Variants in FAM186A observed in about 807,000 individuals in gnomAD.
The protein encoded by FAM186A is family with sequence similarity 186 member A.
In FAM186A, 163 loss-of-function variants were observed where a neutral mutation model predicts 216.8. The observed-to-expected ratio is 0.75, with a 90% confidence interval of 0.66 to 0.86. The LOEUF (loss-of-function observed/expected upper bound fraction) is 0.86, where lower values mean the gene tolerates loss of function less well. Among genes scored for constraint, FAM186A ranks in the 40% least tolerant of loss-of-function variants. The pLI is 0.00. For synonymous variants in FAM186A, 805 were observed against 1,025.3 expected, an observed-to-expected ratio of 0.79 and a Z score of 4.10; for missense variants, 2,184 against 2,746.2, an observed-to-expected ratio of 0.80 and a Z score of 4.58.
In FAM186A at chr12:50,396,284, A is replaced by C; in HGVS notation, c.192+9T>G. 6.7e-7 allele frequency: 1 copy of C among 1,494,684 alleles called. No individual in the cohort carries two copies. Among genetic ancestry groups the C allele is most frequent in the Non-Finnish European group, 8.9e-7 (1 of 1,119,382 alleles). 92.6% of individuals were successfully genotyped at this position (1,494,684 alleles called of 1,614,324 possible). A position where few individuals can be genotyped will look rare whatever the true frequency, so the allele number is the denominator to read the frequency against. Reference sequence around the variant, plus strand: ...ATTGCAGTCTGTAAACTTCAGATTCACTACCTACCTCTCTGGCTCGATGGA... The same window carrying C: ...ATTGCAGTCTGTAAACTTCAGATTCCCTACCTACCTCTCTGGCTCGATGGA... On this transcript the variant is annotated intron_variant, in intron 1 of 7. Transcript: ENST00000327337.
rs1344549850 is a variant in FAM186A, at chr12:50,334,063, C to T, written c.6544G>A (p.Gly2182Arg). 9 of 1,549,576 alleles carry T rather than the reference C, an allele frequency of 5.8e-6. No individual in the cohort carries two copies. In the South Asian group the frequency reaches 9.6e-5, roughly 16 times the overall value. The change falls in exon 5 of 8, where the codon GGG (glycine) becomes AGG (arginine). Residue 2182 changes from glycine (G) to arginine (R), a missense_variant. By Grantham distance (125) the Gly-to-Arg change is moderately radical. Coordinates refer to ENST00000327337, the MANE Select transcript of FAM186A (RefSeq NM_001145475.3). ...MKRLKAIQNT[G>R]KGYEARNLHM... ...AGGTTCCTGGCCTCATAGCCTTTCC[C>T]AGTATTTTGGATGGCTTTTAGTCGT...
chr12:50,331,723 G>C lies in FAM186A; in HGVS notation c.6795C>G (p.Phe2265Leu). Residue 2265 changes from phenylalanine (F) to leucine (L), a missense_variant, in exon 6 of 8, where the codon TTC becomes TTG. Physicochemically the swap from Phe to Leu is conservative, Grantham distance 22 (BLOSUM62 0). This residue lies in a region of FAM186A where 721 missense variants were observed against 816.4 expected (regional missense o/e 0.88). Transcript: ENST00000327337. ...TGTCCTCTTCCATTAGTAATTTTAA[G>C]AATGGCTTTTGAACAAATGTGGTAG... ...PASTTFVQKPFLKLLMEEDRT... is the reference protein window; with the variant it reads ...PASTTFVQKPLLKLLMEEDRT... The C allele has an allele frequency of 4.5e-6, 7 of 1,549,412 alleles. No homozygotes were observed. The highest frequency in any genetic ancestry group is 6.1e-6 in the Non-Finnish European group (7 of 1,146,560).
chr12:50,341,329 T>A (rs1160653506), intron 4 of FAM186A, among the ~76,000 whole-genome samples: 1 of 152,206 alleles, frequency 6.6e-6, no homozygotes, highest in African/African-American at 2.4e-5. Context: ...AAATTTTTAA[T>A]CTTTCAGTAT....
intron 1 of FAM186A, among the ~76,000 whole-genome samples, chr12:50,372,001 G>A (rs1276089664): frequency 1.3e-5 from 2 of 151,800 alleles, no homozygotes; most frequent in African/African-American, 2.4e-5. Context: ...TAGTAGAGAC[G>A]GGGTTTCACC....
chr12:50,386,490 TC>T (rs1943304925), intron 1 of FAM186A, among the ~76,000 whole-genome samples: 1 of 152,082 alleles, frequency 6.6e-6, no homozygotes, highest in Admixed American at 6.6e-5. Flanking sequence ...AGTAGTTGGA[TC>T]TAGCCATTCC....
At position 50,360,823 on chromosome 12, in the gene FAM186A, A is replaced by G. The variant is rs1943026858; in HGVS notation, c.516T>C (p.Asn172=). 1 of 1,550,494 alleles carries G rather than the reference A, an allele frequency of 6.4e-7. No individual in the cohort carries two copies. The highest frequency in any genetic ancestry group is 2.0e-5 in the Admixed American group (1 of 50,846). Residue 172 remains asparagine (N), a synonymous_variant, in exon 3 of 8, where the codon AAT becomes AAC. Coordinates refer to ENST00000327337, the MANE Select transcript of FAM186A (RefSeq NM_001145475.3). ...LPDTLKAIEN[N]VKILSRFSTS... is the part of the protein sequence containing the mutation. ...TACTAAATCTGCTTAGTATCTTGAC[A>G]TTGTTCTCAATAGCTTTTAACGTGT... is the stretch of plus-strand genomic sequence containing the variant.
intron 7 of FAM186A, among the ~76,000 whole-genome samples, chr12:50,329,866 G>T (rs1445733716): frequency 6.6e-6 from 1 of 152,184 alleles, no homozygotes; most frequent in Non-Finnish European, 1.5e-5. Flanking sequence ...AAAGTGTTGG[G>T]ATTACAGGCA....
Position 50,354,160 on chromosome 12 carries a change from TC to T in FAM186A, c.2671del (p.Glu891LysfsTer42). ...CTTTGGAGTTGCCTGTTTTTGCTCT[TC>T]CTTCCACATCTCTTCTTCCTGCCAC... is the stretch of plus-strand genomic sequence containing the variant. ...KQWQEEEMWK[E>X]EQKQATPKQA... On this transcript the variant is annotated frameshift_variant, in exon 4 of 8. Transcript: ENST00000327337. LOFTEE classifies it high-confidence loss of function. 2 of 1,551,708 alleles carry T rather than the reference TC, an allele frequency of 1.3e-6. No individual in the cohort carries two copies. The highest frequency in any genetic ancestry group is 1.7e-6 in the Non-Finnish European group (2 of 1,146,996).
intron 1 of FAM186A, among the ~76,000 whole-genome samples, chr12:50,388,015 T>C (rs1162123005): frequency 6.6e-6 from 1 of 152,188 alleles, no homozygotes; most frequent in African/African-American, 2.4e-5. Context: ...TGTGTTCAAC[T>C]CTCTGTAAGC....
rs938798707 is a variant in FAM186A, at chr12:50,360,952, T to C, written c.413-26A>G. 1.7e-5 allele frequency: 25 copies of C among 1,502,922 alleles called. No individual in the cohort carries two copies. The East Asian group carries it at 1.7e-4, about 10-fold the overall frequency. The allele number at this position is 1,502,922 out of a possible 1,614,324, so 93.1% of individuals were successfully genotyped here. A position where few individuals can be genotyped will look rare whatever the true frequency, so the allele number is the denominator to read the frequency against. On this transcript the variant is annotated intron_variant, in intron 2 of 7. Transcript: ENST00000327337. The stretch of plus-strand genomic sequence containing the variant: ...CTTGAAGAGAGTAAAAAAAAAATCA[T>C]TTTTGTGCAGAAAAATAAATAACTA...
chr12:50,346,175 A>C (rs1942810124), intron 4 of FAM186A, among the ~76,000 whole-genome samples: 1 of 93,416 alleles, frequency 1.1e-5, no homozygotes, highest in South Asian at 3.2e-4. Flanking sequence ...GCCAAAAAAA[A>C]AAAGAAGAAA....
At position 50,396,448 on chromosome 12, in the gene FAM186A, G is replaced by A; in HGVS notation, c.37C>T (p.Pro13Ser). ...FKMKNEIDND[P>S]ESEKCIKDST... ...TCCTTGATGCATTTTTCTGATTCAGGGTCATTGTCTATCTCATTTTTCATT... is the reference window on the plus strand; with the variant it reads ...TCCTTGATGCATTTTTCTGATTCAGAGTCATTGTCTATCTCATTTTTCATT... The change falls in exon 1 of 8, where the codon CCT becomes TCT. Residue 13 changes from proline (P) to serine (S), a missense_variant. Physicochemically the swap from Pro to Ser is moderately conservative, Grantham distance 74. Coordinates refer to ENST00000327337, the MANE Select transcript of FAM186A (RefSeq NM_001145475.3). 1 of 1,545,820 alleles carries A rather than the reference G, an allele frequency of 6.5e-7. No individual in the cohort carries two copies. Among genetic ancestry groups the A allele is most frequent in the Non-Finnish European group, 8.7e-7 (1 of 1,145,714 alleles).
At chr12:50,383,280 G>T (rs113283509) in intron 1 of FAM186A, among the ~76,000 whole-genome samples, 2 of 24,546 alleles carry the variant, frequency 8.1e-5, no homozygotes. Flanking sequence ...AAAAAAAAAA[G>T]AGAGAGAGAG....
At chr12:50,331,905 A>G in intron 5 of FAM186A, 84 bp from the exon 6 acceptor site, 2 of 1,139,156 alleles carry the variant, frequency 1.8e-6, no homozygotes, top group Non-Finnish European at 2.4e-6. Context: ...GCCCTAGACT[A>G]AACTGTGACT....
rs756472124 is a variant in FAM186A, at chr12:50,356,038, A to G, written c.794T>C (p.Ile265Thr). The G allele has an allele frequency of 9.0e-6, 14 of 1,551,576 alleles. No individual in the cohort carries two copies. The South Asian group carries it at 1.5e-4, about 17-fold the overall frequency. Residue 265 changes from isoleucine to threonine, a missense_variant, in exon 4 of 8, where the codon ATA becomes ACA. Ile to Thr is a moderately conservative substitution (Grantham distance 89). This residue lies in a region of FAM186A where 1,132 missense variants were observed against 1,263.4 expected (regional missense o/e 0.90). Coordinates refer to ENST00000327337, the MANE Select transcript of FAM186A (RefSeq NM_001145475.3). ...NNAIKYISST[I>T]VNLSTALSML... ...ACTCAAAGCTGTAGAAAGGTTTACT[A>G]TTGTTGATGATATATATTTAATAGC...
intron 1 of FAM186A, among the ~76,000 whole-genome samples, chr12:50,393,264 G>A (rs1226275030): frequency 1.3e-5 from 2 of 151,980 alleles, no homozygotes; most frequent in East Asian, 2.0e-4. Context: ...TTGGCTGGGC[G>A]CGGTGGCTCA....
chr12:50,354,185 A>G lies in FAM186A; in HGVS notation c.2647T>C (p.Trp883Arg). 6.4e-7 allele frequency: 1 copy of G among 1,551,418 alleles called. No homozygotes were observed. The highest frequency in any genetic ancestry group is 8.7e-7 in the Non-Finnish European group (1 of 1,146,948). The change falls in exon 4 of 8, where the codon TGG (tryptophan) becomes CGG (arginine). Residue 883 changes from tryptophan to arginine, a missense_variant. Transcript: ENST00000327337. ...TCCTTCCACATCTCTTCTTCCTGCCACTGTTTCTGGCTCTGTTGTTCTTGC... is the reference window on the plus strand; with the variant it reads ...TCCTTCCACATCTCTTCTTCCTGCCGCTGTTTCTGGCTCTGTTGTTCTTGC... Reference protein sequence around the residue: ...GKQEQQSQKQWQEEEMWKEEQ... With the variant: ...GKQEQQSQKQRQEEEMWKEEQ...
At chr12:50,357,132 A>G (rs10747576) in intron 3 of FAM186A, among the ~76,000 whole-genome samples, 147,880 of 152,366 alleles carry the variant, frequency 0.97, 71,913 homozygotes, top group East Asian at 1. Flanking sequence ...TTCTTTCTCA[A>G]ATTCCTGTCT....
intron 1 of FAM186A, among the ~76,000 whole-genome samples, chr12:50,368,214 C>A (rs1943109323): frequency 6.6e-6 from 1 of 151,248 alleles, no homozygotes. Context: ...CAAGCCTGGC[C>A]AACATGGTGA....
Sources: gnomAD v4.1 joint callset for allele counts (sites outside exome capture counted in the v4.1 genomes callset) on GRCh38, gnomAD v4.1.1 for gene constraint, gnomAD v4.1.1 regional missense constraint, MANE v1.5 for transcripts, NCBI Gene and HGNC (gene_info 2026-07-23, HGNC 2026-07-21) for gene names.